Variants in LUC7L2 observed in about 807,000 individuals in gnomAD.
The protein encoded by LUC7L2 is putative RNA-binding protein Luc7-like 2.
A neutral mutation model predicts 52.8 loss-of-function variants in LUC7L2; 25 were observed. The observed-to-expected ratio is 0.47, with a 90% CI of 0.34 to 0.66. The LOEUF is 0.66. Among genes scored for constraint, LUC7L2 ranks in the 30% least tolerant of loss-of-function variants. The pLI, the probability that LUC7L2 is intolerant of heterozygous loss-of-function variation, is 0.01. For missense variants in LUC7L2, 328 were observed against 497.8 expected (o/e 0.66, Z 3.25); for synonymous variants, 144 against 160.9 (o/e 0.89, Z 0.80).
intron 1 of LUC7L2, among the ~76,000 whole-genome samples, chr7:139,362,290 T>C (rs970373521): frequency 4.6e-5 from 7 of 152,180 alleles, no homozygotes; most frequent in African/African-American, 9.7e-5. Context: ...ATTAATTCTA[T>C]ATATGCAAAA....
chr7:139,366,788 C>T (rs189997940), intron 1 of LUC7L2, among the ~76,000 whole-genome samples: 4 of 152,238 alleles, frequency 2.6e-5, no homozygotes, highest in East Asian at 3.9e-4. Context: ...CTCAGCATCA[C>T]GTCGTATTGT....
At chr7:139,366,682 A>G (rs779649080) in intron 1 of LUC7L2, among the ~76,000 whole-genome samples, 20 of 152,302 alleles carry the variant, frequency 1.3e-4, no homozygotes, top group South Asian at 1.0e-3. Context: ...AACCGAAAAC[A>G]TTTACCATTT....
rs778438227 is a variant in LUC7L2, at chr7:139,417,349, TTAA to T, written c.810-187_810-185del. 41 of 751,570 alleles carry T rather than the reference TTAA, an allele frequency of 5.5e-5. 1 individual carries two copies. The Admixed American group carries it at 9.4e-4, about 17-fold the overall frequency. 46.6% of individuals were successfully genotyped at this position (751,570 alleles called of 1,614,324 possible). A position where few individuals can be genotyped will look rare whatever the true frequency, so the allele number is the denominator to read the frequency against. ...AGCCACGGCGCCTGGCTGAGAATTA[TTAA>T]TGTTTTATTTTGAATTCTAGTATGT... On this transcript the variant is annotated intron_variant, in intron 8 of 9. Transcript: ENST00000354926.
chr7:139,341,388 G>A (rs75669887), intron 1 of LUC7L2: 132 of 1,612,510 alleles, frequency 8.2e-5, no homozygotes, highest in Non-Finnish European at 1.1e-4. Context: ...CAGGACAATG[G>A]CGGCCTTAGG....
chr7:139,414,222 C>T (rs972664077), intron 8 of LUC7L2, among the ~76,000 whole-genome samples: 2 of 152,186 alleles, frequency 1.3e-5, no homozygotes, highest in African/African-American at 4.8e-5. Flanking sequence ...CCCTCTGATT[C>T]TCCAAAGGTT....
chr7:139,358,745 C>T (rs1319736536), upstream of LUC7L2, among the ~76,000 whole-genome samples: 1 of 152,132 alleles, frequency 6.6e-6, no homozygotes, highest in Non-Finnish European at 1.5e-5. Context: ...AGCGCAGTGG[C>T]GTCATCTCGA....
chr7:139,361,480 T>A (rs1475826018), intron 1 of LUC7L2, among the ~76,000 whole-genome samples: 5 of 152,264 alleles, frequency 3.3e-5, no homozygotes, highest in African/African-American at 1.2e-4. Flanking sequence ...TGCATTCAAA[T>A]CTTTCAGCAG....
chr7:139,407,022 T>TTG, intron 5 of LUC7L2, 152 bp from the exon 6 acceptor site: 2 of 319,772 alleles, frequency 6.3e-6, no homozygotes, highest in Middle Eastern at 1.0e-3. Flanking sequence ...TTTTTTTTTT[T>TTG]GAGCTGGAGT....
At chr7:139,388,640 A>G (rs186079908) in intron 2 of LUC7L2, among the ~76,000 whole-genome samples, 2 of 150,486 alleles carry the variant, frequency 1.3e-5, no homozygotes, top group East Asian at 3.9e-4. Flanking sequence ...GAATGTAGTC[A>G]TATATCTGTA....
chr7:139,340,696 A>G (rs1415861523), intron 1 of LUC7L2: 7 of 392,310 alleles, frequency 1.8e-5, no homozygotes, highest in African/African-American at 6.2e-5. Context: ...CGTCGTTTGC[A>G]GAAGCCCCAG....
upstream of LUC7L2, among the ~76,000 whole-genome samples, chr7:139,358,707 A>C (rs1799703052): frequency 6.6e-6 from 1 of 151,132 alleles, no homozygotes; most frequent in South Asian, 2.1e-4. Context: ...TTTTTTTTTT[A>C]GAAGTCTCGC....
intron 3 of LUC7L2, among the ~76,000 whole-genome samples, chr7:139,401,252 A>AG (rs1432654477): frequency 6.6e-6 from 1 of 152,220 alleles, no homozygotes; most frequent in African/African-American, 2.4e-5. Flanking sequence ...GAGAATTAAA[A>AG]GAAAAAAGGG....
chr7:139,381,209 A>T (rs1262343805), intron 2 of LUC7L2, among the ~76,000 whole-genome samples: 1 of 152,136 alleles, frequency 6.6e-6, no homozygotes, highest in Admixed American at 6.5e-5. Flanking sequence ...AGAAATACTT[A>T]AAACAATTTT....
intron 2 of LUC7L2, among the ~76,000 whole-genome samples, chr7:139,378,590 GA>G (rs1483704591): frequency 6.6e-6 from 1 of 151,856 alleles, no homozygotes; most frequent in East Asian, 1.9e-4. Flanking sequence ...AAAGAAAAAA[GA>G]AAAATCAACA....
At chr7:139,351,560 C>G (rs1440786990) in intron 1 of LUC7L2, among the ~76,000 whole-genome samples, 1 of 152,226 alleles carries the variant, frequency 6.6e-6, no homozygotes, top group Non-Finnish European at 1.5e-5. Flanking sequence ...CAACACAGAT[C>G]TGTTCTTGTC....
upstream of LUC7L2, among the ~76,000 whole-genome samples, chr7:139,357,246 A>G (rs1275204114): frequency 1.3e-5 from 2 of 152,168 alleles, no homozygotes; most frequent in African/African-American, 4.8e-5. Flanking sequence ...TAGATGAGAC[A>G]AATAGGCAAA....
chr7:139,359,750 G>A (rs138075894), upstream of LUC7L2: 2,424 of 400,684 alleles, frequency 6.0e-3, 15 homozygotes, highest in Non-Finnish European at 9.1e-3. Flanking sequence ...CGAGATCCGG[G>A]GTAAAGGGGC....
intron 1 of LUC7L2, chr7:139,375,147 T>G (rs1800643305): frequency 1.0e-6 from 1 of 983,596 alleles, no homozygotes; most frequent in Non-Finnish European, 1.2e-6. Context: ...CCAAAGAGAT[T>G]CTAAGCAAAA....
intron 2 of LUC7L2, among the ~76,000 whole-genome samples, chr7:139,393,902 C>A (rs570898759): frequency 1.3e-5 from 2 of 152,108 alleles, no homozygotes; most frequent in Admixed American, 1.3e-4. Context: ...GAAGAGATAA[C>A]CACTGAGGAT....
Sources: gnomAD v4.1 joint callset for allele counts (sites outside exome capture counted in the v4.1 genomes callset) on GRCh38, gnomAD v4.1.1 for gene constraint, MANE v1.5 for transcripts, NCBI Gene and HGNC (gene_info 2026-07-23, HGNC 2026-07-21) for gene names.